The following SPAG9 variants were observed in gnomAD, a reference collection of about 807,000 sequenced individuals.
SPAG9 encodes C-Jun-amino-terminal kinase-interacting protein 4.
A neutral mutation model predicts 166.5 loss-of-function variants in SPAG9; 35 were observed. The ratio of observed to expected loss-of-function variants is 0.21; its 90% CI spans 0.16 to 0.28. The LOEUF (loss-of-function observed/expected upper bound fraction) is 0.28. SPAG9 is among the 10% of genes least tolerant of loss of function. SPAG9 has a pLI of 1.00. For synonymous variants in SPAG9, 534 were observed against 565.5 expected, an observed-to-expected ratio of 0.94 and a Z score of 0.79; for missense variants, 1,235 against 1,603.3, an observed-to-expected ratio of 0.77 and a Z score of 3.92.
chr17:50,995,797 G>C (rs2044654013), intron 16 of SPAG9: 1 of 360,314 alleles, frequency 2.8e-6, no homozygotes, highest in African/African-American at 2.1e-5. Flanking sequence ...CAAGGTAGCT[G>C]GGACTACAGG....
intron 1 of SPAG9, among the ~76,000 whole-genome samples, chr17:51,089,663 T>TATATATACAC (rs1403230293): frequency 2.6e-5 from 2 of 78,306 alleles, no homozygotes; most frequent in African/African-American, 4.4e-5. Flanking sequence ...TATATATATA[T>TATATATACAC]ACACATACAC....
intron 8 of SPAG9, 71 bp downstream of exon 8, chr17:51,020,088 C>T (rs2045880643): frequency 2.4e-6 from 2 of 848,870 alleles, no homozygotes; most frequent in East Asian, 4.9e-5. Context: ...TGTCCAGAGA[C>T]TGGAGAACAG....
At chr17:50,972,233 G>A (rs1973877873) in intron 28 of SPAG9, among the ~76,000 whole-genome samples, 1 of 152,202 alleles carries the variant, frequency 6.6e-6, no homozygotes, top group East Asian at 1.9e-4. Context: ...CTTTTGATCT[G>A]AGAAGACAGT....
At chr17:51,092,799 G>A (rs1045102910) in intron 1 of SPAG9, among the ~76,000 whole-genome samples, 2 of 151,432 alleles carry the variant, frequency 1.3e-5, no homozygotes, top group African/African-American at 4.8e-5. Context: ...TTAGCTGGAC[G>A]TGGTGGCAGA....
At chr17:50,989,394 T>C in intron 21 of SPAG9, 1 of 465,014 alleles carries the variant, frequency 2.2e-6, no homozygotes, top group Middle Eastern at 6.5e-4. Flanking sequence ...AATCACCTAA[T>C]GACACATTTC....
chr17:51,037,033 T>C (rs188619093), intron 5 of SPAG9, among the ~76,000 whole-genome samples: 1 of 152,214 alleles, frequency 6.6e-6, no homozygotes, highest in African/African-American at 2.4e-5. Flanking sequence ...TTTGTGAATA[T>C]AATTCAGTAA....
At chr17:51,080,101 T>C (rs2048119453) in intron 1 of SPAG9, among the ~76,000 whole-genome samples, 1 of 152,168 alleles carries the variant, frequency 6.6e-6, no homozygotes. Context: ...TTAATAGTCA[T>C]AGATTCACCT....
chr17:51,050,654 C>G (rs1212572079), intron 3 of SPAG9, among the ~76,000 whole-genome samples: 1 of 150,756 alleles, frequency 6.6e-6, no homozygotes, highest in Non-Finnish European at 1.5e-5. Context: ...TCTATAAACA[C>G]ACAAAAAAGA....
At chr17:51,049,787 G>C (rs982564326) in intron 3 of SPAG9, among the ~76,000 whole-genome samples, 1 of 152,130 alleles carries the variant, frequency 6.6e-6, no homozygotes, top group African/African-American at 2.4e-5. Flanking sequence ...TAGTAGAGAC[G>C]GGGTTTCACC....
At chr17:51,100,338 C>T (rs1257082781) in intron 1 of SPAG9, among the ~76,000 whole-genome samples, 1 of 143,760 alleles carries the variant, frequency 7.0e-6, no homozygotes, top group Non-Finnish European at 1.6e-5. Context: ...GGCACAGTGG[C>T]TCACACCTAT....
intron 6 of SPAG9, among the ~76,000 whole-genome samples, chr17:51,023,689 A>G (rs1037446082): frequency 6.6e-6 from 1 of 152,112 alleles, no homozygotes; most frequent in Non-Finnish European, 1.5e-5. Flanking sequence ...TCTAAGACAG[A>G]GTCTCGTTCT....
At position 50,965,361 on chromosome 17, in the gene SPAG9, T is replaced by A. The variant is rs1258941320; in HGVS notation, c.*911A>T. 6.6e-6 allele frequency: 1 copy of A among 152,202 alleles called. No homozygotes were observed. The highest frequency in any genetic ancestry group is 1.5e-5 in the Non-Finnish European group (1 of 68,034). 9.4% of individuals were successfully genotyped at this position (152,202 alleles called of 1,614,324 possible). On this transcript the variant is annotated 3_prime_UTR_variant, in exon 30 of 30. Transcript: ENST00000262013. ...TTGTATTAACAGGTTAAGAGCAATC[T>A]AGGAACATTTGGCAAACAAGTACAT...
Position 51,045,611 on chromosome 17 carries a change from TAATA to T in SPAG9, c.590+1760_590+1763del, listed in dbSNP as rs531113732. 1.5e-3 allele frequency among the ~76,000 whole-genome samples: 229 copies of T among 152,180 alleles called. 1 individual carries two copies. The highest frequency in any genetic ancestry group is 2.9e-3 in the Non-Finnish European group (196 of 67,996). ...TTTAAATATTTTATAAACATTTAAA[TAATA>T]AATAAAAACTATATACTATGAACTT... On this transcript the variant is annotated intron_variant, in intron 4 of 29. Coordinates refer to ENST00000262013, the MANE Select transcript of SPAG9 (RefSeq NM_001130528.3).
chr17:51,096,190 A>G (rs2048643307), intron 1 of SPAG9, among the ~76,000 whole-genome samples: 1 of 151,358 alleles, frequency 6.6e-6, no homozygotes, highest in Non-Finnish European at 1.5e-5. Context: ...TACTAAAAAC[A>G]CAAAAATCAG....
At chr17:50,981,759 G>A (rs1197328883) in intron 25 of SPAG9, among the ~76,000 whole-genome samples, 4 of 150,898 alleles carry the variant, frequency 2.7e-5, no homozygotes, top group African/African-American at 4.9e-5. Context: ...TAGGCCGGAC[G>A]CGGTGGCTCA....
Position 50,970,735 on chromosome 17 carries a change from T to A in SPAG9, c.3822A>T (p.Gly1274=), listed in dbSNP as rs143151803. 2 of 1,613,826 alleles carry A rather than the reference T, an allele frequency of 1.2e-6. No homozygotes were observed. The highest frequency in any genetic ancestry group is 2.7e-5 in the African/African-American group (2 of 74,988). Residue 1274 remains glycine, a synonymous_variant, in exon 29 of 30, where the codon GGA becomes GGT. Coordinates refer to ENST00000262013, the MANE Select transcript of SPAG9 (RefSeq NM_001130528.3). The part of the protein sequence containing the change: ...TPLKSMLVIS[G]GEGYIDFRMG... ...TTCGGAAGTCGATGTAGCCCTCTCC[T>A]CCACTGATGACAAGCATAGACTTCA...
At position 51,079,615 on chromosome 17, in the gene SPAG9, A is replaced by C; in HGVS notation, c.393T>G (p.Leu131=). ...VESLESQTRQ[L]ELKAKNYADQ... ...CAGCATAGTTTTTCGCTTTCAGCTC[A>C]AGTTGTCTTGTTTGAGATTCTAAAG... is the stretch of plus-strand genomic sequence containing the variant. The change falls in exon 2 of 30, where the codon CTT becomes CTG. Residue 131 remains leucine, a synonymous_variant. Transcript: ENST00000262013. 1.9e-6 allele frequency: 3 copies of C among 1,613,790 alleles called. No homozygotes were observed. Among genetic ancestry groups the C allele is most frequent in the Non-Finnish European group, 2.5e-6 (3 of 1,179,742 alleles).
chr17:51,085,320 A>G (rs1350989104), intron 1 of SPAG9: 2 of 152,230 alleles, frequency 1.3e-5, no homozygotes, highest in Non-Finnish European at 2.9e-5. Flanking sequence ...AGGGACACAC[A>G]GTTTCACATC....
chr17:50,967,280 C>G (rs931188232), intron 29 of SPAG9, among the ~76,000 whole-genome samples: 1 of 152,216 alleles, frequency 6.6e-6, no homozygotes, highest in South Asian at 2.1e-4. Flanking sequence ...TAAAAACATA[C>G]ACACCACAGG....
Sources: allele counts gnomAD v4.1 joint callset (sites outside exome capture counted in the v4.1 genomes callset), GRCh38; gene constraint gnomAD v4.1.1; transcripts MANE v1.5; gene names NCBI Gene and HGNC (gene_info 2026-07-23, HGNC 2026-07-21).